The following PTPRE variants were observed in gnomAD, a reference collection of about 807,000 sequenced individuals.
PTPRE encodes protein tyrosine phosphatase receptor type E.
A neutral mutation model predicts 102.0 loss-of-function variants in PTPRE; 51 were observed. The observed-to-expected ratio is 0.50, with a 90% confidence interval of 0.40 to 0.63. The LOEUF is 0.63. Among genes scored for constraint, PTPRE ranks in the 30% least tolerant of loss-of-function variants. The pLI is 0.00. For missense variants in PTPRE, 752 were observed against 915.1 expected, an observed-to-expected ratio of 0.82 and a Z score of 2.30; for synonymous variants, 345 against 348.2, an observed-to-expected ratio of 0.99 and a Z score of 0.10.
chr10:128,010,412 G>A (rs1396901855), intron 2 of PTPRE, among the ~76,000 whole-genome samples: 1 of 152,082 alleles, frequency 6.6e-6, no homozygotes, highest in Non-Finnish European at 1.5e-5. Flanking sequence ...CTTTGCCGGG[G>A]CACAGATCCC....
intron 1 of PTPRE, among the ~76,000 whole-genome samples, chr10:127,942,243 G>A (rs1937199567): frequency 6.6e-6 from 1 of 152,206 alleles, no homozygotes; most frequent in Admixed American, 6.5e-5. Context: ...GTCTCCATCT[G>A]CTAGCAAACT....
intron 2 of PTPRE, among the ~76,000 whole-genome samples, chr10:128,001,015 T>C (rs1853826730): frequency 6.6e-6 from 1 of 152,244 alleles, no homozygotes; most frequent in South Asian, 2.1e-4. Flanking sequence ...CATGAGTGGC[T>C]ACAGTTCACT....
At chr10:127,998,755 C>A (rs1240191415) in intron 2 of PTPRE, 1 of 152,038 alleles carries the variant, frequency 6.6e-6, no homozygotes, top group African/African-American at 2.4e-5. Context: ...CACTAACGAC[C>A]GCGCCACTGG....
At chr10:128,067,338 CCACA>C (rs760545148) in intron 11 of PTPRE, among the ~76,000 whole-genome samples, 1 of 134,228 alleles carries the variant, frequency 7.5e-6, no homozygotes, top group African/African-American at 2.8e-5. Flanking sequence ...ACACATACAT[CCACA>C]CACATTCACA....
At chr10:127,962,738 A>T (rs1339878056) in intron 1 of PTPRE, among the ~76,000 whole-genome samples, 1 of 152,206 alleles carries the variant, frequency 6.6e-6, no homozygotes, top group East Asian at 1.9e-4. Context: ...TGTTATGGCC[A>T]AGGAGGGAGC....
chr10:128,049,479 C>T, intron 5 of PTPRE, 51 bp from the exon 6 acceptor site: 1 of 1,600,412 alleles, frequency 6.2e-7, no homozygotes, highest in South Asian at 1.1e-5. Flanking sequence ...TACTCAGTCG[C>T]CTATCCAGGA....
intron 2 of PTPRE, among the ~76,000 whole-genome samples, chr10:128,021,725 C>T (rs1441132932): frequency 2.0e-5 from 3 of 152,216 alleles, no homozygotes; most frequent in Non-Finnish European, 4.4e-5. Flanking sequence ...GGAGTCTCAC[C>T]ACAGCAGGTC....
Position 128,028,264 on chromosome 10 carries a change from C to T in PTPRE, c.-7-12611C>T, listed in dbSNP as rs375720064. On this transcript the variant is annotated intron_variant, in intron 2 of 20. Transcript: ENST00000254667. This position sits in a 1 kb window ranked among gnomAD's most constrained non-coding sequence, Gnocchi z 4.5. ...TAAATATGGGATCCGGATCACCCTG[C>T]GCCTGTCTCCTCCCCAGTCCTTTCT... Among the ~76,000 whole-genome samples, 9 of 152,270 alleles carry T rather than the reference C, an allele frequency of 5.9e-5. No individual in the cohort carries two copies. Among genetic ancestry groups the T allele is most frequent in the Non-Finnish European group, 1.0e-4 (7 of 68,018 alleles).
At position 127,916,013 on chromosome 10, in the gene PTPRE, C is replaced by T. The variant is rs113743846; in HGVS notation, c.-31+8704C>T. Among the ~76,000 whole-genome samples the T allele has an allele frequency of 8.4e-3, 1,247 of 147,976 alleles. 6 individuals are homozygous for T. The highest frequency in any genetic ancestry group is 0.015 in the Admixed American group (223 of 14,840). On this transcript the variant is annotated intron_variant, in intron 1 of 20. Coordinates refer to ENST00000254667, the MANE Select transcript of PTPRE (RefSeq NM_006504.6). ...TTACAGGGAAAAAAAAAAAAAAAGG[C>T]ACGATGGCTTGTGACATCCTGTGGA...
At chr10:127,960,415 A>G (rs1372958045) in intron 1 of PTPRE, among the ~76,000 whole-genome samples, 1 of 152,212 alleles carries the variant, frequency 6.6e-6, no homozygotes, top group African/African-American at 2.4e-5. Context: ...TCCTTTGTCA[A>G]ATTCTTCTGG....
intron 6 of PTPRE, among the ~76,000 whole-genome samples, chr10:128,052,491 C>A (rs576070592): frequency 6.6e-6 from 1 of 152,226 alleles, no homozygotes; most frequent in East Asian, 1.9e-4. Context: ...ATACTCCCTG[C>A]CCCCCATAGG....
chr10:127,980,287 A>G (rs1248964400), intron 1 of PTPRE, among the ~76,000 whole-genome samples: 1 of 151,480 alleles, frequency 6.6e-6, no homozygotes, highest in Non-Finnish European at 1.5e-5. Context: ...TTGGCATTAT[A>G]TAGACTATCT....
At chr10:128,079,812 C>G in intron 20 of PTPRE, 117 bp downstream of exon 20, 1 of 1,327,214 alleles carries the variant, frequency 7.5e-7, no homozygotes, top group Non-Finnish European at 1.0e-6. Context: ...GTAAAATTCC[C>G]AAGGAAAAGA....
chr10:127,956,040 A>G (rs560640210), intron 1 of PTPRE, among the ~76,000 whole-genome samples: 20 of 152,160 alleles, frequency 1.3e-4, no homozygotes, highest in Non-Finnish European at 2.1e-4. Context: ...AATCGAAACT[A>G]TATCAGGGAT....
At chr10:128,009,339 C>T (rs568790685) in intron 2 of PTPRE, among the ~76,000 whole-genome samples, 1 of 152,362 alleles carries the variant, frequency 6.6e-6, no homozygotes, top group Admixed American at 6.5e-5. Flanking sequence ...AAGGGTAAAA[C>T]ATCAACGGCA....
chr10:128,022,803 A>C (rs1284751042), intron 2 of PTPRE, among the ~76,000 whole-genome samples: 2 of 152,252 alleles, frequency 1.3e-5, no homozygotes, highest in Admixed American at 1.3e-4. Flanking sequence ...GTGTGATGCC[A>C]GAGCGGAGTC....
rs778085382 is a variant in PTPRE at position 128,047,419 on chromosome 10, C to G, written c.139C>G (p.Leu47Val). 7.4e-6 allele frequency: 12 copies of G among 1,613,124 alleles called. No homozygotes were observed. Among genetic ancestry groups the G allele is most frequent in the African/African-American group, 1.3e-5 (1 of 74,922 alleles). ...TCCGGACCCGGGCGCCTCCCAGCCG[C>G]TGCTGGCCTGGCTGCTACTGCCGCT... is the stretch of plus-strand genomic sequence containing the variant. Reference protein sequence around the residue: ...GPPDPGASQPLLAWLLLPLLL... With the variant: ...GPPDPGASQPVLAWLLLPLLL... Residue 47 changes from leucine (L) to valine (V), a missense_variant, in exon 4 of 21, where the codon CTG (leucine) becomes GTG (valine). By Grantham distance (32) the Leu-to-Val change is conservative. Transcript: ENST00000254667.
chr10:128,073,040 T>C (rs1262708025), intron 16 of PTPRE, among the ~76,000 whole-genome samples: 1 of 152,194 alleles, frequency 6.6e-6, no homozygotes, highest in Non-Finnish European at 1.5e-5. Context: ...AGAAACATGT[T>C]AGAATCTAAG....
In PTPRE at chr10:127,907,577, G is replaced by T. The variant is rs1026229685; in HGVS notation, c.-31+268G>T. ...TGGCGACCACAGTGGCAGTGCTCAC[G>T]CTCCCTCTCGGTAAACAGGAGGAGG... On this transcript the variant is annotated intron_variant, in intron 1 of 20. Transcript: ENST00000254667. The surrounding 1 kb of genome is among the most constrained non-coding windows in gnomAD (Gnocchi z 4.8). 6.6e-6 allele frequency among the ~76,000 whole-genome samples: 1 copy of T among 151,900 alleles called. No homozygotes were observed. Among genetic ancestry groups the T allele is most frequent in the African/African-American group, 2.4e-5 (1 of 41,360 alleles).
Sources: allele counts gnomAD v4.1 joint callset (sites outside exome capture counted in the v4.1 genomes callset), GRCh38; gene constraint gnomAD v4.1.1; non-coding constraint Gnocchi (gnomAD v3.1); transcripts MANE v1.5; gene names NCBI Gene and HGNC (gene_info 2026-07-23, HGNC 2026-07-21).